Variants in MGST1 observed in about 807,000 individuals in gnomAD.
MGST1 encodes the protein microsomal glutathione S-transferase 1.
A neutral mutation model predicts 8.9 loss-of-function variants in MGST1; 5 were observed. That is an observed-to-expected ratio of 0.56 (90% CI 0.29 to 1.19). MGST1 has a LOEUF of 1.19. MGST1 is among the 50% of genes most tolerant of loss of function. The pLI, the probability that MGST1 is intolerant of heterozygous loss-of-function variation, is 0.08. For synonymous variants in MGST1, 54 were observed against 67.8 expected (o/e 0.80, Z 1.00); for missense variants, 182 against 187.4 (o/e 0.97, Z 0.17).
At chr12:16,456,994 G>A (rs532438877) in intron 4 of MGST1, among the ~76,000 whole-genome samples, 6 of 151,798 alleles carry the variant, frequency 4.0e-5, no homozygotes, top group African/African-American at 1.5e-4. Context: ...CTAAATGCAC[G>A]CGTGTCCTAA....
intron 1 of MGST1, among the ~76,000 whole-genome samples, chr12:16,388,798 C>T (rs1215559114): frequency 2.0e-5 from 3 of 152,308 alleles, no homozygotes; most frequent in Non-Finnish European, 4.4e-5. Flanking sequence ...CCTCGAGGAA[C>T]TGGAGAGGCT....
Position 16,560,823 on chromosome 12 carries a change from C to A in MGST1, n.483-28705C>A. 1 of 434,308 alleles carries A rather than the reference C, an allele frequency of 2.3e-6. No homozygotes were observed. Among genetic ancestry groups the A allele is most frequent in the Non-Finnish European group, 4.3e-6 (1 of 230,622 alleles). The allele number at this position is 434,308 out of a possible 1,614,324, so 26.9% of individuals were successfully genotyped here. On this transcript the variant is annotated intron_variant and non_coding_transcript_variant, in intron 4 of 4. Transcript: ENST00000538857. This position sits in a 1 kb window ranked among gnomAD's most constrained non-coding sequence, Gnocchi z 5.0. ...AAACAGAAGTCAATGGGGGTGAATT[C>A]ATAGCAAAAATCTCTGGGTTAGAGT...
intron 4 of MGST1, among the ~76,000 whole-genome samples, chr12:16,484,798 C>T (rs1040516783): frequency 2.0e-5 from 3 of 152,166 alleles, no homozygotes; most frequent in Non-Finnish European, 2.9e-5. Context: ...TACAATGTGA[C>T]ATGAGATTTG....
intron 4 of MGST1, among the ~76,000 whole-genome samples, chr12:16,557,782 T>C (rs1026067237): frequency 3.3e-5 from 5 of 152,160 alleles, no homozygotes; most frequent in South Asian, 4.1e-4. Context: ...TTCTATTTTG[T>C]AGGTGTGGGA....
chr12:16,370,556 G>A (rs1388051380), intron 3 of MGST1: 2 of 152,104 alleles, frequency 1.3e-5, no homozygotes, highest in East Asian at 1.9e-4. Flanking sequence ...GCTGTGCTAA[G>A]TTCTTGTTTG....
chr12:16,507,919 A>AGGAGAT (rs1941550312), intron 4 of MGST1, among the ~76,000 whole-genome samples: 2 of 152,176 alleles, frequency 1.3e-5, no homozygotes, highest in South Asian at 4.1e-4. Context: ...AGGAAGGAAG[A>AGGAGAT]GGAGATGGGA....
chr12:16,394,517 TC>T (rs1009281934), intron 1 of MGST1, among the ~76,000 whole-genome samples: 1 of 2,730 alleles, frequency 3.7e-4, no homozygotes, highest in African/African-American at 6.1e-4. Context: ...TCTCTCCCTT[TC>T]TTTCTTTCTT....
intron 4 of MGST1, among the ~76,000 whole-genome samples, chr12:16,505,361 C>T (rs559247055): frequency 5.9e-5 from 9 of 152,264 alleles, no homozygotes; most frequent in South Asian, 4.1e-4. Context: ...GATAGCACTG[C>T]GATTAACATG....
At chr12:16,528,425 G>A (rs541754440) in intron 4 of MGST1, among the ~76,000 whole-genome samples, 5 of 151,850 alleles carry the variant, frequency 3.3e-5, no homozygotes, top group Admixed American at 1.3e-4. Context: ...AACAAGACCC[G>A]TGCTCTTAAG....
In MGST1 at chr12:16,503,177, C is replaced by G. The variant is rs552385075; in HGVS notation, n.483-86351C>G. ...TGGTTTATCTTCCCCCACCCTCCCCCCTTTTTGTTTCTTCTCTTATTGTTA... is the reference window on the plus strand; with the variant it reads ...TGGTTTATCTTCCCCCACCCTCCCCGCTTTTTGTTTCTTCTCTTATTGTTA... On this transcript the variant is annotated intron_variant and non_coding_transcript_variant, in intron 4 of 4. Transcript: ENST00000538857. This position sits in a 1 kb window ranked among gnomAD's most constrained non-coding sequence, Gnocchi z 4.8. 3.9e-5 allele frequency among the ~76,000 whole-genome samples: 6 copies of G among 152,190 alleles called. No homozygotes were observed. The East Asian group carries it at 5.8e-4, about 15-fold the overall frequency.
chr12:16,589,340 G>A lies in MGST1; in HGVS notation n.483-188G>A, dbSNP rs1943419649. 6.6e-6 allele frequency among the ~76,000 whole-genome samples: 1 copy of A among 152,058 alleles called. No homozygotes were observed. Among genetic ancestry groups the A allele is most frequent in the Non-Finnish European group, 1.5e-5 (1 of 67,984 alleles). On this transcript the variant is annotated intron_variant and non_coding_transcript_variant, in intron 4 of 4. Transcript: ENST00000538857. The surrounding 1 kb of genome is among the most constrained non-coding windows in gnomAD (Gnocchi z 4.2). The stretch of plus-strand genomic sequence containing the variant: ...TGTAGTAGAATAATGAGAAACACAT[G>A]ATGAGACATTTAAAATATACTGTAC...
rs1051837387 is a variant in MGST1 at position 16,560,587 on chromosome 12, C to G, written n.483-28941C>G. 3 of 1,544,120 alleles carry G rather than the reference C, an allele frequency of 1.9e-6. No individual in the cohort carries two copies. Among genetic ancestry groups the G allele is most frequent in the Admixed American group, 3.5e-5 (2 of 56,672 alleles). On this transcript the variant is annotated intron_variant and non_coding_transcript_variant, in intron 4 of 4. Coordinates refer to the MGST1 transcript ENST00000538857. The surrounding 1 kb of genome is among the most constrained non-coding windows in gnomAD (Gnocchi z 5.0). ...TTTTTACAAACTCTTACAGAGAAAT[C>G]TGAGATCGTGAAGAGAGATGATGTT...
At chr12:16,388,364 G>A (rs1940523026) in intron 1 of MGST1, among the ~76,000 whole-genome samples, 1 of 152,084 alleles carries the variant, frequency 6.6e-6, no homozygotes, top group Non-Finnish European at 1.5e-5. Flanking sequence ...GTGAGTGAGT[G>A]GGGAGTGAAC....
chr12:16,382,487 G>A (rs966789657), upstream of MGST1, among the ~76,000 whole-genome samples: 4 of 152,142 alleles, frequency 2.6e-5, no homozygotes, highest in Non-Finnish European at 5.9e-5. Flanking sequence ...CTGCCTGATC[G>A]TTCCTCTGGA....
At chr12:16,542,488 G>T (rs1234990828) in intron 4 of MGST1, among the ~76,000 whole-genome samples, 1 of 152,112 alleles carries the variant, frequency 6.6e-6, no homozygotes, top group Non-Finnish European at 1.5e-5. Context: ...TCCCTCTTTT[G>T]TAAGTCTGTT....
At chr12:16,382,876 C>G in exon 1 of MGST1, 1 of 153,276 alleles carries the variant, frequency 6.5e-6, no homozygotes, top group East Asian at 1.9e-4. Flanking sequence ...TCGCTGCTGC[C>G]TTGCAGTTTG....
chr12:16,451,354 A>G (rs1429853554), intron 4 of MGST1, among the ~76,000 whole-genome samples: 5 of 151,904 alleles, frequency 3.3e-5, no homozygotes, highest in Non-Finnish European at 7.4e-5. Flanking sequence ...GTTTATTTTT[A>G]CTATCCTTTA....
At position 16,513,219 on chromosome 12, in the gene MGST1, T is replaced by G. The variant is rs1481888989; in HGVS notation, n.483-76309T>G. 6.6e-6 allele frequency among the ~76,000 whole-genome samples: 1 copy of G among 152,210 alleles called. No individual in the cohort carries two copies. The highest frequency in any genetic ancestry group is 1.5e-5 in the Non-Finnish European group (1 of 68,034). On this transcript the variant is annotated intron_variant and non_coding_transcript_variant, in intron 4 of 4. Coordinates refer to the MGST1 transcript ENST00000538857. The surrounding 1 kb of genome is among the most constrained non-coding windows in gnomAD (Gnocchi z 4.2). ...GACTCAGTTTCTGCTTCTTCATGAC[T>G]TCAGCTTTTCATGAACTCTACGGAA... is the stretch of plus-strand genomic sequence containing the variant.
At position 16,463,253 on chromosome 12, in the gene MGST1, G is replaced by A. The variant is rs563959024; in HGVS notation, n.482+79649G>A. Among the ~76,000 whole-genome samples, 21 of 151,996 alleles carry A rather than the reference G, an allele frequency of 1.4e-4. 1 individual carries two copies. Among genetic ancestry groups the A allele is most frequent in the South Asian group, 1.2e-3 (6 of 4,820 alleles). Reference sequence around the variant, plus strand: ...GAGTGCAGTGGTGCTATCATGGCTCGGCTCACTGTGGCCTCAAACTCCTGG... The same window carrying A: ...GAGTGCAGTGGTGCTATCATGGCTCAGCTCACTGTGGCCTCAAACTCCTGG... On this transcript the variant is annotated intron_variant and non_coding_transcript_variant, in intron 4 of 4. Coordinates refer to the MGST1 transcript ENST00000538857.
Sources: allele counts gnomAD v4.1 joint callset (sites outside exome capture counted in the v4.1 genomes callset), GRCh38; gene constraint gnomAD v4.1.1; non-coding constraint Gnocchi (gnomAD v3.1); transcripts MANE v1.5; gene names NCBI Gene and HGNC (gene_info 2026-07-23, HGNC 2026-07-21).